Variants in LRP1B observed in about 807,000 individuals in gnomAD.
LRP1B encodes LDL receptor related protein 1B.
In LRP1B, 217 loss-of-function variants were observed where a neutral mutation model predicts 556.6. The observed-to-expected ratio is 0.39, with a 90% CI of 0.35 to 0.44. The LOEUF is 0.44. Ranked by LOEUF, LRP1B falls within the 20% of genes least tolerant of loss-of-function variation. The probability of loss-of-function intolerance (pLI) is 1.00; values close to 1 mark genes in which losing one functional copy is unlikely to be tolerated. For missense variants in LRP1B, 5,053 were observed against 5,620.8 expected (o/e 0.90, Z 3.23); for synonymous variants, 2,047 against 1,865.8 (o/e 1.10, Z -2.50).
At chr2:141,028,325 T>C (rs1198889228) in intron 11 of LRP1B, among the ~76,000 whole-genome samples, 1 of 151,618 alleles carries the variant, frequency 6.6e-6, no homozygotes, top group Non-Finnish European at 1.5e-5. Flanking sequence ...TATAAGTATA[T>C]AGTATAAAAT....
At chr2:140,344,574 C>A (rs1046511556) in intron 77 of LRP1B, among the ~76,000 whole-genome samples, 3 of 151,676 alleles carry the variant, frequency 2.0e-5, no homozygotes, top group Non-Finnish European at 4.4e-5. Flanking sequence ...CTAATGACTC[C>A]AAGATGCTTA....
chr2:140,648,278 G>T (rs953686869), intron 41 of LRP1B, among the ~76,000 whole-genome samples: 4 of 151,996 alleles, frequency 2.6e-5, no homozygotes, highest in African/African-American at 9.7e-5. Context: ...GTCACACACC[G>T]GGGCATGTGG....
intron 1 of LRP1B, among the ~76,000 whole-genome samples, chr2:141,860,974 C>A (rs1698220719): frequency 6.6e-6 from 1 of 152,044 alleles, no homozygotes; most frequent in Non-Finnish European, 1.5e-5. Context: ...AATTTCTGCC[C>A]CTTTGAAAGC....
At chr2:141,510,911 C>CCCA (rs1553524356) in intron 2 of LRP1B, among the ~76,000 whole-genome samples, 115,034 of 144,302 alleles carry the variant, frequency 0.8, 45,625 homozygotes, top group East Asian at 0.95. Context: ...CACACACACC[C>CCCA]CACACAAACA....
intron 43 of LRP1B, among the ~76,000 whole-genome samples, chr2:140,593,182 A>C (rs1682298032): frequency 6.6e-6 from 1 of 152,144 alleles, no homozygotes; most frequent in Non-Finnish European, 1.5e-5. Flanking sequence ...AAGATTTAAG[A>C]TTTCTTCCTG....
intron 2 of LRP1B, among the ~76,000 whole-genome samples, chr2:141,518,046 A>G (rs963816305): frequency 6.6e-6 from 1 of 152,192 alleles, no homozygotes; most frequent in Non-Finnish European, 1.5e-5. Flanking sequence ...TGACATTTAC[A>G]AAACTGTGGG....
At chr2:140,519,483 T>C (rs969416817) in intron 49 of LRP1B, among the ~76,000 whole-genome samples, 2 of 152,128 alleles carry the variant, frequency 1.3e-5, no homozygotes, top group Admixed American at 6.6e-5. Flanking sequence ...AAGACTTAAA[T>C]GTTAGACCTA....
At chr2:141,725,340 C>T (rs1692988139) in intron 2 of LRP1B, among the ~76,000 whole-genome samples, 1 of 151,578 alleles carries the variant, frequency 6.6e-6, no homozygotes, top group Admixed American at 6.6e-5. Flanking sequence ...TGTGAATTTC[C>T]AGGTCATTGT....
intron 41 of LRP1B, among the ~76,000 whole-genome samples, chr2:140,693,923 G>A (rs926355828): frequency 5.9e-5 from 9 of 152,114 alleles, no homozygotes; most frequent in Non-Finnish European, 1.3e-4. Context: ...GGCCAGGCTA[G>A]TCTCGAACTC....
intron 2 of LRP1B, among the ~76,000 whole-genome samples, chr2:141,577,445 G>C (rs1217737931): frequency 6.6e-6 from 1 of 152,134 alleles, no homozygotes; most frequent in Non-Finnish European, 1.5e-5. Flanking sequence ...TAAATTAATA[G>C]ATGGGAAATT....
chr2:140,951,826 A>G, intron 19 of LRP1B, 34 bp downstream of exon 19: 2 of 1,542,830 alleles, frequency 1.3e-6, no homozygotes, highest in South Asian at 1.1e-5. Context: ...CCCCCGATCA[A>G]ATTAGTGCTA....
intron 60 of LRP1B, among the ~76,000 whole-genome samples, chr2:140,471,253 A>C (rs1301195814): frequency 2.6e-5 from 4 of 151,978 alleles, no homozygotes; most frequent in African/African-American, 7.2e-5. Flanking sequence ...TTAAATTATC[A>C]GGTTTTCTGA....
At chr2:141,560,574 T>C (rs1686110835) in intron 2 of LRP1B, among the ~76,000 whole-genome samples, 1 of 73,124 alleles carries the variant, frequency 1.4e-5, no homozygotes. Context: ...TAGATGAAAT[T>C]CTGAAATTCT....
intron 1 of LRP1B, among the ~76,000 whole-genome samples, chr2:142,033,600 C>T (rs1703776507): frequency 6.6e-6 from 1 of 151,684 alleles, no homozygotes; most frequent in Admixed American, 6.6e-5. Flanking sequence ...TCCAACCTCA[C>T]TGATGCAGCA....
At chr2:141,254,695 T>C (rs1684394236) in intron 3 of LRP1B, 54 bp from the exon 4 acceptor site, 3 of 1,392,770 alleles carry the variant, frequency 2.2e-6, no homozygotes, top group Non-Finnish European at 3.0e-6. Context: ...TGTAAATAGT[T>C]TGTATTTCTC....
chr2:140,311,932 A>G (rs989527167), intron 83 of LRP1B, among the ~76,000 whole-genome samples: 5 of 151,864 alleles, frequency 3.3e-5, no homozygotes, highest in Non-Finnish European at 7.4e-5. Context: ...TTTTGTCATT[A>G]GTTTCATAAT....
chr2:140,324,414 C>T (rs895337998), intron 80 of LRP1B, among the ~76,000 whole-genome samples: 1 of 151,964 alleles, frequency 6.6e-6, no homozygotes, highest in Non-Finnish European at 1.5e-5. Context: ...TACAAACAGG[C>T]AATTTACACA....
intron 17 of LRP1B, among the ~76,000 whole-genome samples, chr2:140,983,261 A>G (rs1332940003): frequency 1.3e-5 from 2 of 152,010 alleles, no homozygotes; most frequent in Admixed American, 1.3e-4. Flanking sequence ...ATTGGACTAG[A>G]GAAAAAAATG....
chr2:141,143,643 G>T (rs1379253608), intron 7 of LRP1B, among the ~76,000 whole-genome samples: 1 of 151,982 alleles, frequency 6.6e-6, no homozygotes, highest in African/African-American at 2.4e-5. Context: ...CTGAGGTTTG[G>T]TGCCATCCCA....
Sources: gnomAD v4.1 joint callset for allele counts (sites outside exome capture counted in the v4.1 genomes callset) on GRCh38, gnomAD v4.1.1 for gene constraint, MANE v1.5 for transcripts, NCBI Gene and HGNC (gene_info 2026-07-23, HGNC 2026-07-21) for gene names.